Variants in PRRG1 observed in about 807,000 individuals in gnomAD.
PRRG1 encodes the protein proline rich and Gla domain 1.
Under a neutral mutation model 11.8 loss-of-function variants are expected in PRRG1, and 5 were observed. The ratio of observed to expected loss-of-function variants is 0.42; its 90% CI spans 0.22 to 0.89. The LOEUF is 0.89. PRRG1 is among the 40% of genes least tolerant of loss of function. PRRG1 has a pLI of 0.28. For synonymous variants in PRRG1, 66 were observed against 60.4 expected (o/e 1.09, Z -0.43); for missense variants, 155 against 166.1 (o/e 0.93, Z 0.37).
At chrX:37,430,354 A>G (rs1556389766) in intron 3 of PRRG1, among the ~76,000 whole-genome samples, 1 of 112,236 alleles carries the variant, frequency 8.9e-6, no homozygotes, top group African/African-American at 3.2e-5. Context: ...GTATGCATGT[A>G]GACATATATG....
At chrX:37,367,619 G>A (rs1312434980) in intron 1 of PRRG1, among the ~76,000 whole-genome samples, 3 of 111,233 alleles carry the variant, frequency 2.7e-5, no homozygotes, top group Admixed American at 9.5e-5. Context: ...AATGGACTAT[G>A]TAGGTACCTG....
At chrX:37,417,402 C>G (rs1439174359) in intron 2 of PRRG1, among the ~76,000 whole-genome samples, 1 of 111,199 alleles carries the variant, frequency 9.0e-6, no homozygotes, top group African/African-American at 3.3e-5. Context: ...ATACTAAACT[C>G]TAAGTTTGCA....
chrX:37,440,231 G>T (rs1340332587), intron 3 of PRRG1, among the ~76,000 whole-genome samples: 1 of 112,143 alleles, frequency 8.9e-6, no homozygotes, highest in Non-Finnish European at 1.9e-5. Context: ...AATGGAATTG[G>T]AACTTGGGGC....
chrX:37,404,346 A>G (rs1932124090), intron 1 of PRRG1, among the ~76,000 whole-genome samples: 2 of 111,448 alleles, frequency 1.8e-5, no homozygotes, highest in African/African-American at 3.3e-5. Flanking sequence ...ATTTTAGTAT[A>G]TTAACTTTCT....
intron 1 of PRRG1, among the ~76,000 whole-genome samples, chrX:37,361,055 G>A (rs73466217): frequency 0.019 from 2,122 of 112,417 alleles, 45 homozygotes; most frequent in African/African-American, 0.059. Context: ...TCTTAAAAAT[G>A]CTCAAGGCCG....
At chrX:37,360,391 A>G (rs2030960126) in intron 1 of PRRG1, among the ~76,000 whole-genome samples, 1 of 111,608 alleles carries the variant, frequency 9.0e-6, no homozygotes, top group South Asian at 3.7e-4. Flanking sequence ...TTCTCTTGGG[A>G]TTTTTTTCTT....
chrX:37,398,683 G>A (rs1275010274), intron 1 of PRRG1, among the ~76,000 whole-genome samples: 7 of 112,139 alleles, frequency 6.2e-5, no homozygotes, highest in Admixed American at 1.9e-4. Flanking sequence ...AAACTCCTCC[G>A]AGCTACAGAA....
rs1156709147 is a variant in PRRG1 at position 37,362,657 on chromosome X, C to G, written c.-42+13262C>G. On this transcript the variant is annotated intron_variant, in intron 1 of 3. Coordinates refer to ENST00000378628, the MANE Select transcript of PRRG1 (RefSeq NM_001142395.2). ...GGCTAGTTTTCTGCCAGAATCTCAG[C>G]CCCATTTAACCAGGGGTCAGACCAT... Among the ~76,000 whole-genome samples, 8 of 111,846 alleles carry G rather than the reference C, an allele frequency of 7.2e-5. No individual in the cohort carries two copies. In the Admixed American group the frequency reaches 7.6e-4, roughly 11 times the overall value.
At chrX:37,349,785 T>C (rs1444136471) in intron 1 of PRRG1, among the ~76,000 whole-genome samples, 2 of 110,679 alleles carry the variant, frequency 1.8e-5, no homozygotes, top group African/African-American at 6.6e-5. Flanking sequence ...AGCGCTGCTT[T>C]CTCTGGTGCA....
At position 37,375,591 on chromosome X, in the gene PRRG1, G is replaced by A. The variant is rs782246911; in HGVS notation, c.-42+26196G>A. On this transcript the variant is annotated intron_variant, in intron 1 of 3. Transcript: ENST00000378628. ...GATGATTTAAAGTATATGGGAGGAT[G>A]TGCATAGGTTATGTGCAAATATGAC... is the stretch of plus-strand genomic sequence containing the variant. Among the ~76,000 whole-genome samples the A allele has an allele frequency of 3.7e-4, 41 of 111,832 alleles. No individual in the cohort carries two copies. The South Asian group carries it at 5.7e-3, about 15-fold the overall frequency.
intron 1 of PRRG1, among the ~76,000 whole-genome samples, chrX:37,397,463 G>A (rs1931756644): frequency 1.8e-5 from 2 of 112,265 alleles, no homozygotes; most frequent in African/African-American, 6.5e-5. Flanking sequence ...CTACTGCCTT[G>A]CACAGGCTAG....
At chrX:37,387,382 G>A (rs1931360726) in intron 1 of PRRG1, among the ~76,000 whole-genome samples, 1 of 111,551 alleles carries the variant, frequency 9.0e-6, no homozygotes, top group Non-Finnish European at 1.9e-5. Flanking sequence ...CCAAGACTGG[G>A]TAATTTATAA....
chrX:37,397,601 T>C (rs1210047572), intron 1 of PRRG1, among the ~76,000 whole-genome samples: 2 of 112,185 alleles, frequency 1.8e-5, no homozygotes, highest in African/African-American at 6.5e-5. Context: ...TCTACTCAGG[T>C]AATGAGGGAA....
intron 1 of PRRG1, among the ~76,000 whole-genome samples, chrX:37,385,489 GTA>G (rs782270030): frequency 8.3e-5 from 9 of 107,905 alleles, no homozygotes; most frequent in Non-Finnish European, 1.1e-4. Context: ...ATATATATGT[GTA>G]TATATATATA....
At chrX:37,399,650 A>G (rs1267281112) in intron 1 of PRRG1, among the ~76,000 whole-genome samples, 1 of 101,427 alleles carries the variant, frequency 9.9e-6, no homozygotes, top group African/African-American at 3.6e-5. Flanking sequence ...TTAAATGTAA[A>G]TGGACTAAAT....
intron 2 of PRRG1, among the ~76,000 whole-genome samples, chrX:37,419,310 T>G (rs1257352435): frequency 8.9e-6 from 1 of 111,859 alleles, no homozygotes; most frequent in Non-Finnish European, 1.9e-5. Context: ...TCAACATATA[T>G]TTGACCAAAG....
chrX:37,399,537 G>A (rs1259913498), intron 1 of PRRG1, among the ~76,000 whole-genome samples: 1 of 109,895 alleles, frequency 9.1e-6, no homozygotes, highest in Non-Finnish European at 1.9e-5. Flanking sequence ...ATGCCAAATT[G>A]TAAAGACCAT....
intron 1 of PRRG1, among the ~76,000 whole-genome samples, chrX:37,371,102 T>C (rs1256150124): frequency 1.8e-5 from 2 of 111,612 alleles, no homozygotes; most frequent in Non-Finnish European, 3.8e-5. Context: ...TGGGAACTTA[T>C]GGTGCTTTTC....
chrX:37,411,097 G>A (rs148143684), intron 2 of PRRG1, among the ~76,000 whole-genome samples: 55 of 111,319 alleles, frequency 4.9e-4, no homozygotes, highest in African/African-American at 1.7e-3. Flanking sequence ...AACCAACCAT[G>A]GATCGAAGTT....
Sources: allele counts gnomAD v4.1 joint callset (sites outside exome capture counted in the v4.1 genomes callset), GRCh38; gene constraint gnomAD v4.1.1; transcripts MANE v1.5; gene names NCBI Gene and HGNC (gene_info 2026-07-23, HGNC 2026-07-21).